DDX43: variants seen among roughly 807,000 people sequenced by gnomAD.
DDX43 encodes probable ATP-dependent RNA helicase DDX43.
Under a neutral mutation model 84.9 loss-of-function variants are expected in DDX43, and 50 were observed. That is an observed-to-expected ratio of 0.59 (90% confidence interval 0.47 to 0.75). The LOEUF (loss-of-function observed/expected upper bound fraction) is 0.75. Among genes scored for constraint, DDX43 ranks in the 30% least tolerant of loss-of-function variants. The probability of loss-of-function intolerance (pLI) is 0.00; values close to 1 mark genes in which losing one functional copy is unlikely to be tolerated. For synonymous variants in DDX43, 291 were observed against 266.3 expected (o/e 1.09, Z -0.90); for missense variants, 689 against 798.6 (o/e 0.86, Z 1.65).
At chr6:73,411,333 C>CTT (rs55782182) in intron 10 of DDX43, among the ~76,000 whole-genome samples, 4 of 141,200 alleles carry the variant, frequency 2.8e-5, no homozygotes, top group African/African-American at 5.2e-5. Context: ...TCTTTTCTTT[C>CTT]TTTTTTTTTT....
At chr6:73,399,216 G>A (rs1769525786) in intron 2 of DDX43, among the ~76,000 whole-genome samples, 1 of 152,120 alleles carries the variant, frequency 6.6e-6, no homozygotes, top group Admixed American at 6.6e-5. Context: ...CAAAGTGCTG[G>A]GATTACAGGT....
At position 73,414,611 on chromosome 6, in the gene DDX43, C is replaced by T. The variant is rs1769867008; in HGVS notation, c.1670C>T (p.Thr557Ile). 1.1e-5 allele frequency: 18 copies of T among 1,613,380 alleles called. No individual in the cohort carries two copies. Among genetic ancestry groups the T allele is most frequent in the Non-Finnish European group, 1.4e-5 (17 of 1,179,388 alleles). Reference protein sequence around the residue: ...ASRGLDVHDVTHVYNFDFPRN... With the variant: ...ASRGLDVHDVIHVYNFDFPRN... Reference sequence around the variant, plus strand: ...AGAGGACTTGATGTCCATGACGTTACACATGTCTATAATTTTGACTTTCCA... The same window carrying T: ...AGAGGACTTGATGTCCATGACGTTATACATGTCTATAATTTTGACTTTCCA... Residue 557 changes from threonine to isoleucine, a missense_variant, in exon 14 of 17, where the codon ACA (threonine) becomes ATA (isoleucine). By Grantham distance (89) the Thr-to-Ile change is moderately conservative. Transcript: ENST00000370336.
chr6:73,410,712 C>T (rs1769766949), intron 10 of DDX43, among the ~76,000 whole-genome samples: 1 of 152,146 alleles, frequency 6.6e-6, no homozygotes, highest in Non-Finnish European at 1.5e-5. Flanking sequence ...CCCACCTCAG[C>T]CTTCTGAGTA....
chr6:73,395,539 G>A (rs936509983), intron 1 of DDX43, among the ~76,000 whole-genome samples: 2 of 151,880 alleles, frequency 1.3e-5, no homozygotes, highest in African/African-American at 4.8e-5. Context: ...GCTTGAACCC[G>A]GCGGCAGAAG....
chr6:73,409,707 T>C (rs577933528), intron 10 of DDX43, among the ~76,000 whole-genome samples: 57 of 152,286 alleles, frequency 3.7e-4, no homozygotes, highest in Admixed American at 1.3e-4. Context: ...AAGAATGATA[T>C]CTCCTAGGCT....
chr6:73,413,780 A>G lies in DDX43; in HGVS notation c.1491A>G (p.Lys497=). Reference sequence around the variant, plus strand: ...AAGTCATTGTCTTCGTTTCTCGAAAAGCTGTGTAGGTATTTTTTCTTGTGT... The same window carrying G: ...AAGTCATTGTCTTCGTTTCTCGAAAGGCTGTGTAGGTATTTTTTCTTGTGT... ...TDKVIVFVSR[K]AVADHLSSDL... is the part of the protein sequence containing the mutation. The change falls in exon 12 of 17, where the codon AAA becomes AAG. Residue 497 remains lysine (K), a synonymous_variant. Transcript: ENST00000370336. The G allele has an allele frequency of 2.5e-6, 4 of 1,612,612 alleles. No individual in the cohort carries two copies. The highest frequency in any genetic ancestry group is 3.4e-6 in the Non-Finnish European group (4 of 1,179,622).
Position 73,405,831 on chromosome 6 carries a change from T to G in DDX43, c.803T>G (p.Ile268Ser), listed in dbSNP as rs1769668446. The G allele has an allele frequency of 6.2e-7, 1 of 1,613,046 alleles. No homozygotes were observed. The highest frequency in any genetic ancestry group is 1.1e-5 in the South Asian group (1 of 90,932). ...KKAGFQKPTP[I>S]QSQAWPIVLQ... ...GCAGGTTTTCAAAAGCCAACACCTA[T>G]TCAGGTATGCTTTCATTAATTACAA... Residue 268 changes from isoleucine (I) to serine (S), a missense_variant, in exon 6 of 17, where the codon ATT (isoleucine) becomes AGT (serine). Ile to Ser is a moderately radical substitution (Grantham distance 142). Around this residue, in one of 2 missense-constraint regions of DDX43, gnomAD observed 552 missense variants for 692.7 expected, o/e 0.80. Coordinates refer to ENST00000370336, the MANE Select transcript of DDX43 (RefSeq NM_018665.3).
chr6:73,401,941 G>T lies in DDX43; in HGVS notation c.519G>T (p.Trp173Cys), dbSNP rs774298241. The change falls in exon 4 of 17, where the codon TGG becomes TGT. Residue 173 changes from tryptophan to cysteine, a missense_variant. Transcript: ENST00000370336. ...CAGGAGATCGGCCATTGATAGATTGGGATCAAATTAGAGAGGAAGGTTTGA... is the reference window on the plus strand; with the variant it reads ...CAGGAGATCGGCCATTGATAGATTGTGATCAAATTAGAGAGGAAGGTTTGA... ...VVAGDRPLID[W>C]DQIREEGLKW... is the part of the protein sequence containing the mutation. 6.2e-7 allele frequency: 1 copy of T among 1,614,106 alleles called. No individual in the cohort carries two copies. The highest frequency in any genetic ancestry group is 2.2e-5 in the East Asian group (1 of 44,872).
intron 10 of DDX43, 44 bp downstream of exon 10, chr6:73,409,392 G>T: frequency 7.1e-7 from 1 of 1,418,356 alleles, no homozygotes; most frequent in South Asian, 1.2e-5. Flanking sequence ...GAAATCAGTG[G>T]AATAGAATCT....
At chr6:73,403,851 C>T (rs1769622765) in intron 4 of DDX43, among the ~76,000 whole-genome samples, 1 of 148,174 alleles carries the variant, frequency 6.7e-6, no homozygotes, top group African/African-American at 2.5e-5. Flanking sequence ...GAGTTTCGCT[C>T]TTGTTGCCCA....
chr6:73,410,709 C>A (rs1368549709), intron 10 of DDX43, among the ~76,000 whole-genome samples: 1 of 152,194 alleles, frequency 6.6e-6, no homozygotes, highest in Non-Finnish European at 1.5e-5. Context: ...TCTCCCACCT[C>A]AGCCTTCTGA....
At chr6:73,407,753 A>C in intron 8 of DDX43, 138 bp downstream of exon 8, 1 of 783,772 alleles carries the variant, frequency 1.3e-6, no homozygotes, top group Non-Finnish European at 2.1e-6. Flanking sequence ...GCACTACTCT[A>C]ATCAGTCAGA....
In DDX43 at chr6:73,402,008, A is replaced by T. The variant is rs779983398; in HGVS notation, c.568+18A>T. 5.0e-6 allele frequency: 8 copies of T among 1,612,054 alleles called. No homozygotes were observed. Among genetic ancestry groups the T allele is most frequent in the Non-Finnish European group, 2.5e-6 (3 of 1,179,256 alleles). On this transcript the variant is annotated intron_variant, in intron 4 of 16. Transcript: ENST00000370336. ...GTGGGCAGGTCAGTGCTGCTTCCTA[A>T]TATTTACATATATTGTTTCTGTTAA... is the stretch of plus-strand genomic sequence containing the variant.
intron 15 of DDX43, 106 bp downstream of exon 15, chr6:73,415,690 A>G (rs1026562156): frequency 3.8e-6 from 3 of 798,648 alleles, no homozygotes; most frequent in South Asian, 1.9e-5. Flanking sequence ...ATAAGTTTTC[A>G]TCACGTTTTG....
At chr6:73,415,661 A>G (rs551056753) in intron 15 of DDX43, 77 bp downstream of exon 15, 10 of 1,030,288 alleles carry the variant, frequency 9.7e-6, no homozygotes, top group Admixed American at 4.4e-5. Flanking sequence ...ATGGCTTGCT[A>G]TTTATCAGGA....
chr6:73,395,220 A>G (rs1245459116), intron 1 of DDX43, 65 bp downstream of exon 1: 5 of 1,510,528 alleles, frequency 3.3e-6, no homozygotes, highest in Non-Finnish European at 4.4e-6. Flanking sequence ...GGGCGAAGGC[A>G]TTTCCTCCCC....
Position 73,413,714 on chromosome 6 carries a change from TC to T in DDX43, c.1426del (p.His476ThrfsTer32). ...TAACCACCGAGGAAGAGAAATGGAG[TC>T]ACATGCAAACTTTTCTACAGAGTAT... ...IVTTEEEKWS[H>X]MQTFLQSMSS... On this transcript the variant is annotated frameshift_variant, in exon 12 of 17. Coordinates refer to ENST00000370336, the MANE Select transcript of DDX43 (RefSeq NM_018665.3). LOFTEE classifies it high-confidence loss of function. 6.2e-7 allele frequency: 1 copy of T among 1,613,350 alleles called. No homozygotes were observed. The highest frequency in any genetic ancestry group is 8.5e-7 in the Non-Finnish European group (1 of 1,179,602).
intron 7 of DDX43, among the ~76,000 whole-genome samples, 167 bp from the exon 8 acceptor site, chr6:73,407,338 C>G (rs547194594): frequency 1.6e-4 from 25 of 152,224 alleles, no homozygotes; most frequent in African/African-American, 6.0e-4. Context: ...AGGCTGGTCT[C>G]AAACTCCTGA....
At chr6:73,400,429 T>C in intron 3 of DDX43, 66 bp downstream of exon 3, 1 of 1,385,720 alleles carries the variant, frequency 7.2e-7, no homozygotes, top group South Asian at 1.6e-5. Flanking sequence ...TATAAGCCAT[T>C]ATACCTGATT....
Sources: gnomAD v4.1 joint callset for allele counts (sites outside exome capture counted in the v4.1 genomes callset) on GRCh38, gnomAD v4.1.1 for gene constraint, gnomAD v4.1.1 regional missense constraint, MANE v1.5 for transcripts, NCBI Gene and HGNC (gene_info 2026-07-23, HGNC 2026-07-21) for gene names.